Variants in SLC35D4 observed in about 807,000 individuals in gnomAD.
SLC35D4 encodes the protein UDP-N-acetylglucosamine transporter SLC35D4.
At chr18:23,362,512 T>A in the SLC35D4 span, among the ~76,000 whole-genome samples, 1 of 152,086 alleles carries the variant, frequency 6.6e-6, no homozygotes, top group African/African-American at 2.4e-5. Flanking sequence ...GGCAGGAGAA[T>A]CACTTGAACC....
At chr18:23,271,895 C>T in the SLC35D4 span, among the ~76,000 whole-genome samples, 1 of 152,166 alleles carries the variant, frequency 6.6e-6, no homozygotes, top group African/African-American at 2.4e-5. Flanking sequence ...GTTTTGCACT[C>T]AGAGTGGGAA....
At chr18:23,407,765 C>T in the SLC35D4 span, among the ~76,000 whole-genome samples, 14 of 152,182 alleles carry the variant, frequency 9.2e-5, no homozygotes, top group African/African-American at 3.1e-4. Context: ...AACACCTTCA[C>T]ACTGCTGTGA....
At chr18:23,375,563 C>T in the SLC35D4 span, among the ~76,000 whole-genome samples, 3 of 151,990 alleles carry the variant, frequency 2.0e-5, no homozygotes, top group Non-Finnish European at 4.4e-5. Context: ...CTTTTCCCCC[C>T]GTAAAATGTT....
the SLC35D4 span, among the ~76,000 whole-genome samples, chr18:23,256,785 TTTA>T: frequency 1.3e-5 from 2 of 152,210 alleles, no homozygotes; most frequent in African/African-American, 4.8e-5. Context: ...ACCGGTTTGC[TTTA>T]TTTTCAGTCT....
chr18:23,375,813 C>T, the SLC35D4 span, among the ~76,000 whole-genome samples: 1 of 152,268 alleles, frequency 6.6e-6, no homozygotes, highest in East Asian at 1.9e-4. Flanking sequence ...CTGCCAAACA[C>T]AGATATTTTC....
chr18:23,278,558 C>T, the SLC35D4 span, among the ~76,000 whole-genome samples: 31 of 152,236 alleles, frequency 2.0e-4, 1 homozygote, highest in South Asian at 5.4e-3. Context: ...TGTAACCCAT[C>T]GTTTCTTAGG....
At chr18:23,286,681 G>A in the SLC35D4 span, among the ~76,000 whole-genome samples, 10 of 151,890 alleles carry the variant, frequency 6.6e-5, no homozygotes, top group African/African-American at 2.2e-4. Context: ...TGTTTCCCTT[G>A]CCTCCATAAC....
At chr18:23,365,005 T>C in the SLC35D4 span, among the ~76,000 whole-genome samples, 2 of 147,108 alleles carry the variant, frequency 1.4e-5, no homozygotes, top group African/African-American at 5.1e-5. Context: ...TGATGCCAGA[T>C]AGAAAGAGGG....
At chr18:23,281,157 G>C in the SLC35D4 span, among the ~76,000 whole-genome samples, 6 of 152,112 alleles carry the variant, frequency 3.9e-5, no homozygotes, top group Non-Finnish European at 8.8e-5. Flanking sequence ...TGGGTATGGG[G>C]GTTCTTTTTG....
the SLC35D4 span, among the ~76,000 whole-genome samples, chr18:23,277,141 C>G: frequency 4.6e-4 from 70 of 152,268 alleles, no homozygotes; most frequent in Admixed American, 1.2e-3. Flanking sequence ...GATGGTAATA[C>G]AGTTTGGCTG....
chr18:23,274,106 T>C, the SLC35D4 span, among the ~76,000 whole-genome samples: 1 of 152,066 alleles, frequency 6.6e-6, no homozygotes, highest in Non-Finnish European at 1.5e-5. Context: ...GGCTAGTTTT[T>C]AAATTTTTTT....
chr18:23,384,735 C>G, the SLC35D4 span, among the ~76,000 whole-genome samples: 1 of 152,230 alleles, frequency 6.6e-6, no homozygotes, highest in African/African-American at 2.4e-5. Flanking sequence ...GCAAACTCCT[C>G]TTTGTCTCCT....
chr18:23,393,176 A>C, the SLC35D4 span, among the ~76,000 whole-genome samples: 19 of 152,094 alleles, frequency 1.2e-4, no homozygotes, highest in African/African-American at 4.6e-4. Context: ...CAGGCTCCTA[A>C]AGTGCTGGGA....
the SLC35D4 span, among the ~76,000 whole-genome samples, chr18:23,349,406 G>A: frequency 6.6e-6 from 1 of 152,248 alleles, no homozygotes; most frequent in South Asian, 2.1e-4. Context: ...GCCAAGGCAG[G>A]TGGATCACGA....
chr18:23,282,034 G>A, the SLC35D4 span, among the ~76,000 whole-genome samples: 497 of 152,330 alleles, frequency 3.3e-3, 2 homozygotes, highest in African/African-American at 0.011. Flanking sequence ...TTCATTAACA[G>A]CTCCACTTAA....
the SLC35D4 span, among the ~76,000 whole-genome samples, chr18:23,238,815 G>C: frequency 2.0e-5 from 3 of 152,204 alleles, no homozygotes; most frequent in Admixed American, 2.0e-4. Flanking sequence ...CTCCTGGCTC[G>C]AGGCTGTTTT....
the SLC35D4 span, chr18:23,421,524 C>A: frequency 7.7e-7 from 1 of 1,291,852 alleles, no homozygotes; most frequent in East Asian, 2.3e-5. Flanking sequence ...GATCTGCTGA[C>A]TGACACAAAG....
chr18:23,307,077 GA>G, the SLC35D4 span, among the ~76,000 whole-genome samples: 4 of 152,338 alleles, frequency 2.6e-5, no homozygotes, highest in African/African-American at 7.2e-5. Flanking sequence ...ACAGTGAACA[GA>G]GTCCACCTCC....
chr18:23,253,075 G>A, the SLC35D4 span: 2 of 1,537,860 alleles, frequency 1.3e-6, no homozygotes, highest in Non-Finnish European at 1.8e-6. Flanking sequence ...AGGTACGGGA[G>A]GCTGGACTTG....
Sources: allele counts gnomAD v4.1 joint callset (sites outside exome capture counted in the v4.1 genomes callset), GRCh38; gene constraint gnomAD v4.1.1; transcripts MANE v1.5; gene names NCBI Gene and HGNC (gene_info 2026-07-23, HGNC 2026-07-21).